CCNG2: variants seen among roughly 807,000 people sequenced by gnomAD.
CCNG2 encodes the protein cyclin-G2.
A neutral mutation model predicts 36.5 loss-of-function variants in CCNG2; 20 were observed. The ratio of observed to expected loss-of-function variants is 0.55; its 90% CI spans 0.39 to 0.80. The LOEUF is 0.80. Among genes scored for constraint, CCNG2 ranks in the 30% least tolerant of loss-of-function variants. CCNG2 has a pLI of 0.00. For missense variants in CCNG2, 358 were observed against 390.8 expected, an observed-to-expected ratio of 0.92 and a Z score of 0.71; for synonymous variants, 155 against 140.1, an observed-to-expected ratio of 1.11 and a Z score of -0.75.
At chr4:77,163,668 G>A (rs1483868356) in intron 6 of CCNG2, among the ~76,000 whole-genome samples, 1 of 152,150 alleles carries the variant, frequency 6.6e-6, no homozygotes, top group Non-Finnish European at 1.5e-5. Context: ...TCCGAAGGAG[G>A]AGGGAAAAAA....
chr4:77,164,160 T>A, intron 6 of CCNG2, 114 bp from the exon 7 acceptor site: 1 of 675,394 alleles, frequency 1.5e-6, no homozygotes, highest in South Asian at 1.9e-5. Context: ...TGGAAGCGGG[T>A]AGTGGGAGCC....
rs1731669561 is a variant in CCNG2 at position 77,167,913 on chromosome 4, A to T, written c.*1989A>T. On this transcript the variant is annotated 3_prime_UTR_variant, in exon 8 of 8. Coordinates refer to ENST00000316355, the MANE Select transcript of CCNG2 (RefSeq NM_004354.3). ...TCAGATTTTGATTTGTTGAGATGTA[A>T]AAGTTGTTTGGGGCTTACCAAATCT... The T allele has an allele frequency of 6.6e-6, 1 of 152,112 alleles. No individual in the cohort carries two copies. The highest frequency in any genetic ancestry group is 1.5e-5 in the Non-Finnish European group (1 of 68,018). The allele number at this position is 152,112 out of a possible 1,614,324, so 9.4% of individuals were successfully genotyped here.
rs1212804638 is a variant in CCNG2 at position 77,165,916 on chromosome 4, C to A, written c.1027C>A (p.Pro343Thr). 6.3e-7 allele frequency: 1 copy of A among 1,598,224 alleles called. No individual in the cohort carries two copies. The highest frequency in any genetic ancestry group is 1.8e-5 in the Admixed American group (1 of 55,426). Residue 343 changes from proline to threonine, a missense_variant, in exon 8 of 8, where the codon CCA becomes ACA. By Grantham distance (38) the Pro-to-Thr change is conservative (BLOSUM62 -1). Transcript: ENST00000316355. ...NFKVAQTLCFPS is the reference protein window; with the variant it reads ...NFKVAQTLCFTS The stretch of plus-strand genomic sequence containing the variant: ...CAAAGTGGCACAAACACTGTGCTTT[C>A]CATCTTAGAAATCTGATTGTTCTGT...
chr4:77,165,994 C>A lies in CCNG2; in HGVS notation c.*70C>A. ...CAATAAATGGGGGAATAGGTAGTTTCCTGGTTTAGCCCCCATCTAGTCAGG... is the reference window on the plus strand; with the variant it reads ...CAATAAATGGGGGAATAGGTAGTTTACTGGTTTAGCCCCCATCTAGTCAGG... On this transcript the variant is annotated 3_prime_UTR_variant, in exon 8 of 8. Transcript: ENST00000316355. 6.9e-7 allele frequency: 1 copy of A among 1,442,732 alleles called. No homozygotes were observed. Among genetic ancestry groups the A allele is most frequent in the Non-Finnish European group, 9.4e-7 (1 of 1,068,806 alleles). The allele number at this position is 1,442,732 out of a possible 1,614,324, so 89.4% of individuals were successfully genotyped here.
chr4:77,161,100 T>A (rs1439265038), intron 4 of CCNG2, 129 bp downstream of exon 4: 60 of 147,090 alleles, frequency 4.1e-4, no homozygotes, highest in Middle Eastern at 1.6e-3. Flanking sequence ...TTGGTAAATC[T>A]TTTTTTTTTT....
At position 77,157,414 on chromosome 4, in the gene CCNG2, C is replaced by T. The variant is rs1412323581; in HGVS notation, c.-93C>T. The T allele has an allele frequency of 2.0e-5, 3 of 152,346 alleles. No individual in the cohort carries two copies. The highest frequency in any genetic ancestry group is 6.5e-5 in the Admixed American group (1 of 15,288). The allele number at this position is 152,346 out of a possible 1,614,324, so 9.4% of individuals were successfully genotyped here. ...CGGGGGCACCGCTGAGGCGGTGGGTCCCCGACCTGCGAGACAGGTTTGGAA... is the reference window on the plus strand; with the variant it reads ...CGGGGGCACCGCTGAGGCGGTGGGTTCCCGACCTGCGAGACAGGTTTGGAA... On this transcript the variant is annotated 5_prime_UTR_variant, in exon 1 of 8. Coordinates refer to ENST00000316355, the MANE Select transcript of CCNG2 (RefSeq NM_004354.3).
intron 1 of CCNG2, 23 bp from the exon 2 acceptor site, chr4:77,158,510 T>G: frequency 6.2e-7 from 1 of 1,613,890 alleles, no homozygotes; most frequent in Non-Finnish European, 8.5e-7. Flanking sequence ...GATTACATTC[T>G]CTGTGTGGTG....
At position 77,158,343 on chromosome 4, in the gene CCNG2, C is replaced by G. The variant is rs576145192; in HGVS notation, c.1-190C>G. On this transcript the variant is annotated intron_variant, in intron 1 of 7. Transcript: ENST00000316355. ...GCGGACCTGACCACGGCTCCTCCCCCTGCCACACCTCCCTGGCCGTGGTGG... is the reference window on the plus strand; with the variant it reads ...GCGGACCTGACCACGGCTCCTCCCCGTGCCACACCTCCCTGGCCGTGGTGG... The G allele has an allele frequency of 4.6e-4, 266 of 583,556 alleles. 1 individual carries two copies. The highest frequency in any genetic ancestry group is 7.6e-4 in the Admixed American group (24 of 31,418). The allele number at this position is 583,556 out of a possible 1,614,324, so 36.1% of individuals were successfully genotyped here.
chr4:77,161,769 T>G, intron 6 of CCNG2, 22 bp downstream of exon 6: 1 of 1,487,204 alleles, frequency 6.7e-7, no homozygotes, highest in Non-Finnish European at 9.2e-7. Flanking sequence ...CATTATTCTT[T>G]AAGGCAAATT....
intron 6 of CCNG2, 120 bp from the exon 7 acceptor site, chr4:77,164,154 A>C: frequency 1.5e-6 from 1 of 652,934 alleles, no homozygotes; most frequent in East Asian, 2.7e-5. Context: ...CAGGGGTGGA[A>C]GCGGGTAGTG....
At chr4:77,162,579 C>T (rs574584073) in intron 6 of CCNG2, among the ~76,000 whole-genome samples, 8 of 152,012 alleles carry the variant, frequency 5.3e-5, no homozygotes, top group Admixed American at 3.3e-4. Flanking sequence ...GATGGGGTTT[C>T]GCCATGTTGG....
chr4:77,161,133 G>T (rs985604634), intron 4 of CCNG2, among the ~76,000 whole-genome samples, 162 bp downstream of exon 4: 2 of 102,450 alleles, frequency 2.0e-5, no homozygotes, highest in East Asian at 5.8e-4. Flanking sequence ...AAGGAATTTC[G>T]CTCTTGTTGC....
Position 77,164,495 on chromosome 4 carries a change from G to C in CCNG2, c.911+16G>C. The C allele has an allele frequency of 6.3e-7, 1 of 1,598,932 alleles. No homozygotes were observed. The highest frequency in any genetic ancestry group is 1.1e-5 in the South Asian group (1 of 90,722). The stretch of plus-strand genomic sequence containing the variant: ...AAAGTGAAAGGTAGGCAGGTTCCTT[G>C]ACTAATTAAACTTCCCTAGACTAAA... On this transcript the variant is annotated intron_variant, in intron 7 of 7. Coordinates refer to ENST00000316355, the MANE Select transcript of CCNG2 (RefSeq NM_004354.3).
chr4:77,161,831 T>G (rs556755231), intron 6 of CCNG2, 84 bp downstream of exon 6: 51 of 770,292 alleles, frequency 6.6e-5, no homozygotes, highest in Non-Finnish European at 7.9e-5. Flanking sequence ...TAAGTAATAC[T>G]TTATGGGACT....
Position 77,166,195 on chromosome 4 carries a change from G to C in CCNG2, c.*271G>C, listed in dbSNP as rs1019958777. 8.2e-6 allele frequency: 2 copies of C among 242,646 alleles called. No individual in the cohort carries two copies. The highest frequency in any genetic ancestry group is 1.6e-5 in the Non-Finnish European group (2 of 126,958). The allele number at this position is 242,646 out of a possible 1,614,324, so 15.0% of individuals were successfully genotyped here. A position where few individuals can be genotyped will look rare whatever the true frequency, so the allele number is the denominator to read the frequency against. ...TTAGCTACTTTGGGGAGGAGGGAAG[G>C]TGCTGATACCTTCAATTTGTTACTT... On this transcript the variant is annotated 3_prime_UTR_variant, in exon 8 of 8. Transcript: ENST00000316355.
At position 77,164,347 on chromosome 4, in the gene CCNG2, G is replaced by A. The variant is rs1346512203; in HGVS notation, c.779G>A (p.Cys260Tyr). 6.2e-7 allele frequency: 1 copy of A among 1,614,004 alleles called. No individual in the cohort carries two copies. Among genetic ancestry groups the A allele is most frequent in the South Asian group, 1.1e-5 (1 of 91,080 alleles). Residue 260 changes from cysteine to tyrosine, a missense_variant, in exon 7 of 8, where the codon TGT becomes TAT. Cys to Tyr is a radical substitution (Grantham distance 194). Coordinates refer to ENST00000316355, the MANE Select transcript of CCNG2 (RefSeq NM_004354.3). ...KCLAEYSSPE[C>Y]CKPDLKKLVW... The stretch of plus-strand genomic sequence containing the variant: ...CTAGCCGAGTATTCTTCTCCTGAAT[G>A]TTGCAAACCAGATCTTAAGAAGTTG...
Position 77,158,408 on chromosome 4 carries a change from C to A in CCNG2, c.1-125C>A, listed in dbSNP as rs1304005780. ...CTCTGGCGGACGTGACTGGTCCCTT[C>A]ACCCGCTCCTTGTCGGGGTGTGCTG... On this transcript the variant is annotated intron_variant, in intron 1 of 7. Transcript: ENST00000316355. 3.3e-6 allele frequency: 3 copies of A among 912,874 alleles called. No individual in the cohort carries two copies. The East Asian group carries it at 7.3e-5, about 22-fold the overall frequency. The allele number at this position is 912,874 out of a possible 1,614,324, so 56.5% of individuals were successfully genotyped here.
intron 6 of CCNG2, 66 bp downstream of exon 6, chr4:77,161,813 TTAAACA>T (rs1731446238): frequency 1.3e-5 from 12 of 944,054 alleles, no homozygotes; most frequent in Non-Finnish European, 1.7e-5. Flanking sequence ...CTGTGGTGAC[TTAAACA>T]TTAAGTAATA....
At chr4:77,158,483 C>T in intron 1 of CCNG2, 50 bp from the exon 2 acceptor site, 1 of 1,604,252 alleles carries the variant, frequency 6.2e-7, no homozygotes, top group Non-Finnish European at 8.5e-7. Context: ...CCCGCTTCCC[C>T]ACCCCTCTTA....
Sources: allele counts gnomAD v4.1 joint callset (sites outside exome capture counted in the v4.1 genomes callset), GRCh38; gene constraint gnomAD v4.1.1; transcripts MANE v1.5; gene names NCBI Gene and HGNC (gene_info 2026-07-23, HGNC 2026-07-21).